CCDC106: variants seen among roughly 807,000 people sequenced by gnomAD.
The protein encoded by CCDC106 is coiled-coil domain containing 106.
CCDC106 carries 17 observed loss-of-function variants against 24.7 expected under a neutral mutation model. That is an observed-to-expected ratio of 0.69 (90% CI 0.47 to 1.03). CCDC106 has a LOEUF of 1.03. Ranked by LOEUF, CCDC106 falls within the 50% of genes least tolerant of loss-of-function variation. CCDC106 has a pLI of 0.00. For missense variants in CCDC106, 337 were observed against 388.9 expected, an observed-to-expected ratio of 0.87 and a Z score of 1.12; for synonymous variants, 211 against 161.3, an observed-to-expected ratio of 1.31 and a Z score of -2.34.
chr19:55,649,662 C>A, intron 3 of CCDC106, 78 bp downstream of exon 3: 5 of 1,403,548 alleles, frequency 3.6e-6, no homozygotes, highest in Admixed American at 2.0e-5. Context: ...CAAGGCTCCA[C>A]TGTTTGGCTG....
chr19:55,651,506 T>C lies in CCDC106; in HGVS notation c.526+11T>C. ...GGGAGAGGCAGCGAGGTGAGTGGGG[T>C]GCATGGGGCGGGCGCTGAGGGGCCC... is the stretch of plus-strand genomic sequence containing the variant. On this transcript the variant is annotated intron_variant, in intron 4 of 4. Transcript: ENST00000586790. 1 of 1,540,390 alleles carries C rather than the reference T, an allele frequency of 6.5e-7. No homozygotes were observed. Among genetic ancestry groups the C allele is most frequent in the African/African-American group, 1.4e-5 (1 of 73,748 alleles).
At chr19:55,650,905 C>T (rs1206380020) in intron 3 of CCDC106, among the ~76,000 whole-genome samples, 1 of 152,186 alleles carries the variant, frequency 6.6e-6, no homozygotes, top group East Asian at 1.9e-4. Context: ...CCCCCGACTC[C>T]AGCCAAGGCC....
chr19:55,651,568 C>A, intron 4 of CCDC106, 73 bp downstream of exon 4: 1 of 1,073,882 alleles, frequency 9.3e-7, no homozygotes, highest in Non-Finnish European at 1.3e-6. Flanking sequence ...CCCAGAGGTC[C>A]CCCTTTCTCT....
In CCDC106 at chr19:55,652,141, G is replaced by GGGGGGTGCT. The variant is rs1174693113; in HGVS notation, c.527-285_527-277dup. ...GACGAGGGTGATGGCTCGGGGTGTC[G>GGGGGGTGCT]GGGGGTGCTGGGACCGCGTGGGTTG... On this transcript the variant is annotated intron_variant, in intron 4 of 4. Coordinates refer to ENST00000586790, the MANE Select transcript of CCDC106 (RefSeq NM_001370470.1). The surrounding 1 kb of genome is among the most constrained non-coding windows in gnomAD (Gnocchi z 5.9). 6.6e-6 allele frequency among the ~76,000 whole-genome samples: 1 copy of GGGGGGTGCT among 151,916 alleles called. No individual in the cohort carries two copies. Among genetic ancestry groups the GGGGGGTGCT allele is most frequent in the African/African-American group, 2.4e-5 (1 of 41,320 alleles).
At chr19:55,651,557 TC>T in intron 4 of CCDC106, 62 bp downstream of exon 4, 1 of 1,144,068 alleles carries the variant, frequency 8.7e-7, no homozygotes, top group Non-Finnish European at 1.2e-6. Context: ...TGTGTGTCCT[TC>T]CCAGAGGTCC....
chr19:55,651,185 TG>T lies in CCDC106; in HGVS notation c.314-93del, dbSNP rs1983234749. 3 of 933,242 alleles carry T rather than the reference TG, an allele frequency of 3.2e-6. No individual in the cohort carries two copies. The Admixed American group carries it at 5.2e-5, about 16-fold the overall frequency. 57.8% of individuals were successfully genotyped at this position (933,242 alleles called of 1,614,324 possible). A position where few individuals can be genotyped will look rare whatever the true frequency, so the allele number is the denominator to read the frequency against. On this transcript the variant is annotated intron_variant, in intron 3 of 4. Coordinates refer to ENST00000586790, the MANE Select transcript of CCDC106 (RefSeq NM_001370470.1). The stretch of plus-strand genomic sequence containing the variant: ...GTCTCTTTAGGGGACCAGCCCAGGT[TG>T]GGGGATCCAGTTCGGGGACTGCAGC...
In CCDC106 at chr19:55,648,306, T is replaced by A. The variant is rs1982991749; in HGVS notation, c.-741T>A. 1 of 151,898 alleles carries A rather than the reference T, an allele frequency of 6.6e-6. No individual in the cohort carries two copies. Among genetic ancestry groups the A allele is most frequent in the African/African-American group, 2.4e-5 (1 of 41,324 alleles). 9.4% of individuals were successfully genotyped at this position (151,898 alleles called of 1,614,324 possible). On this transcript the variant is annotated 5_prime_UTR_variant, in exon 1 of 5. Coordinates refer to ENST00000586790, the MANE Select transcript of CCDC106 (RefSeq NM_001370470.1). ...GGTGAGCGCGGGGGGCCTCGGCCCC[T>A]CGGACCCCGGGCACCCGCGGGCGGG...
At chr19:55,651,043 G>A (rs953729936) in intron 3 of CCDC106, among the ~76,000 whole-genome samples, 5 of 152,146 alleles carry the variant, frequency 3.3e-5, no homozygotes, top group Non-Finnish European at 7.3e-5. Flanking sequence ...GGCTGCCTCC[G>A]TAAGACCTCT....
Position 55,653,007 on chromosome 19 carries a change from C to A in CCDC106, c.*261C>A, listed in dbSNP as rs1463490927. ...GGAAAACCAGGCAGGCGGGTGCCCCCCCCTCGAGTGGGGGACTGTACAGAC... is the reference window on the plus strand; with the variant it reads ...GGAAAACCAGGCAGGCGGGTGCCCCACCCTCGAGTGGGGGACTGTACAGAC... On this transcript the variant is annotated 3_prime_UTR_variant, in exon 5 of 5. Coordinates refer to ENST00000586790, the MANE Select transcript of CCDC106 (RefSeq NM_001370470.1). 2.0e-6 allele frequency: 1 copy of A among 494,148 alleles called. No homozygotes were observed. Among genetic ancestry groups the A allele is most frequent in the Non-Finnish European group, 3.6e-6 (1 of 276,288 alleles). The allele number at this position is 494,148 out of a possible 1,614,324, so 30.6% of individuals were successfully genotyped here.
In CCDC106 at chr19:55,649,080, G is replaced by A; in HGVS notation, c.31+3G>A. The A allele has an allele frequency of 6.2e-7, 1 of 1,614,006 alleles. No homozygotes were observed. Among genetic ancestry groups the A allele is most frequent in the Non-Finnish European group, 8.5e-7 (1 of 1,180,006 alleles). Reference sequence around the variant, plus strand: ...CCGGAGCAGTCGGAGGCGGACAAGTGAGGAAGCTGGGTCCCCTTCCCTACC... The same window carrying A: ...CCGGAGCAGTCGGAGGCGGACAAGTAAGGAAGCTGGGTCCCCTTCCCTACC... On this transcript the variant is annotated splice_donor_region_variant and intron_variant, in intron 1 of 4. Coordinates refer to ENST00000586790, the MANE Select transcript of CCDC106 (RefSeq NM_001370470.1).
chr19:55,652,727 C>G lies in CCDC106; in HGVS notation c.824C>G (p.Thr275Ser). The change falls in exon 5 of 5, where the codon ACC becomes AGC. Residue 275 changes from threonine (T) to serine (S), a missense_variant. By Grantham distance (58) the Thr-to-Ser change is moderately conservative (BLOSUM62 1). Transcript: ENST00000586790. This position sits in a 1 kb window ranked among gnomAD's most constrained non-coding sequence, Gnocchi z 5.9. ...LKKSKLLLPI[T>S]YRFKR Reference sequence around the variant, plus strand: ...AAGAGCAAGCTGCTGCTGCCCATCACCTACCGCTTCAAGCGGTGATCGCAC... The same window carrying G: ...AAGAGCAAGCTGCTGCTGCCCATCAGCTACCGCTTCAAGCGGTGATCGCAC... 6.2e-7 allele frequency: 1 copy of G among 1,612,120 alleles called. No homozygotes were observed. Among genetic ancestry groups the G allele is most frequent in the Non-Finnish European group, 8.5e-7 (1 of 1,179,536 alleles).
chr19:55,651,333 C>T lies in CCDC106; in HGVS notation c.364C>T (p.Arg122Cys), dbSNP rs373493546. ...GCCCAGGCGGATGGAGGGGGACAGC[C>T]GTGGTGGGGCTGGGGGCGAGGCCTC... ...PGPRRMEGDS[R>C]GGAGGEASDP... The change falls in exon 4 of 5, where the codon CGT (arginine) becomes TGT (cysteine). Residue 122 changes from arginine (R) to cysteine (C), a missense_variant. This residue lies in a region of CCDC106 where 234 missense variants were observed against 236.5 expected (regional missense o/e 0.99). Coordinates refer to ENST00000586790, the MANE Select transcript of CCDC106 (RefSeq NM_001370470.1). 2.4e-5 allele frequency: 39 copies of T among 1,613,352 alleles called. 1 individual carries two copies. Among genetic ancestry groups the T allele is most frequent in the African/African-American group, 2.0e-4 (15 of 74,922 alleles).
In CCDC106 at chr19:55,652,476, C is replaced by T. The variant is rs774471673; in HGVS notation, c.573C>T (p.Gly191=). ...GVLCRYKKIL[G]TFQKLKSMSR... ...TCTGCCGGTACAAGAAGATCCTGGG[C>T]ACCTTCCAGAAGCTCAAGAGCATGT... The change falls in exon 5 of 5, where the codon GGC becomes GGT. Residue 191 remains glycine, a synonymous_variant. Coordinates refer to ENST00000586790, the MANE Select transcript of CCDC106 (RefSeq NM_001370470.1). This position sits in a 1 kb window ranked among gnomAD's most constrained non-coding sequence, Gnocchi z 5.9. The T allele has an allele frequency of 1.4e-5, 23 of 1,611,530 alleles. 1 individual carries two copies. In the South Asian group the frequency reaches 2.2e-4, roughly 15 times the overall value.
chr19:55,650,571 TGTG>T (rs1247203552), intron 3 of CCDC106, among the ~76,000 whole-genome samples: 5 of 152,312 alleles, frequency 3.3e-5, no homozygotes, highest in Middle Eastern at 3.4e-3. Context: ...GCTATGGTCT[TGTG>T]GTGTCTCTGT....
At position 55,652,087 on chromosome 19, in the gene CCDC106, TGAA is replaced by T; in HGVS notation, c.527-342_527-340del. ...CCTACCTCACGGGGAGGGTGAGACT[TGAA>T]TAAGTGAATTCACCTGAGGCAGGGA... On this transcript the variant is annotated intron_variant, in intron 4 of 4. Coordinates refer to ENST00000586790, the MANE Select transcript of CCDC106 (RefSeq NM_001370470.1). The surrounding 1 kb of genome is among the most constrained non-coding windows in gnomAD (Gnocchi z 5.9). Among the ~76,000 whole-genome samples, 1 of 152,100 alleles carries T rather than the reference TGAA, an allele frequency of 6.6e-6. No individual in the cohort carries two copies. The highest frequency in any genetic ancestry group is 2.1e-4 in the South Asian group (1 of 4,804).
chr19:55,650,771 C>T (rs1983198844), intron 3 of CCDC106, among the ~76,000 whole-genome samples: 1 of 152,166 alleles, frequency 6.6e-6, no homozygotes, highest in Admixed American at 6.5e-5. Context: ...GGCACCAGAG[C>T]CCTCCCCTAA....
chr19:55,653,101 G>T lies in CCDC106; in HGVS notation c.*355G>T, dbSNP rs1366459273. The stretch of plus-strand genomic sequence containing the variant: ...CCCGGACAGACCTCCCCAACTCCGC[G>T]TGAGACAGAGAATTATTCAGATAAT... On this transcript the variant is annotated 3_prime_UTR_variant, in exon 5 of 5. Transcript: ENST00000586790. 8.9e-6 allele frequency: 2 copies of T among 225,544 alleles called. No homozygotes were observed. The highest frequency in any genetic ancestry group is 1.7e-5 in the Non-Finnish European group (2 of 115,390). 14.0% of individuals were successfully genotyped at this position (225,544 alleles called of 1,614,324 possible). A position where few individuals can be genotyped will look rare whatever the true frequency, so the allele number is the denominator to read the frequency against.
chr19:55,648,895 A>G lies in CCDC106; in HGVS notation c.-152A>G, dbSNP rs1453076628. ...GGGTCCAGGCTCCCTCCTCCCTCAGACCAGGGGTCCAGGCCAGAAGGTCCC... is the reference window on the plus strand; with the variant it reads ...GGGTCCAGGCTCCCTCCTCCCTCAGGCCAGGGGTCCAGGCCAGAAGGTCCC... On this transcript the variant is annotated 5_prime_UTR_variant, in exon 1 of 5. Coordinates refer to ENST00000586790, the MANE Select transcript of CCDC106 (RefSeq NM_001370470.1). 8.9e-6 allele frequency: 7 copies of G among 783,394 alleles called. No individual in the cohort carries two copies. The highest frequency in any genetic ancestry group is 1.5e-5 in the Non-Finnish European group (7 of 458,920). The allele number at this position is 783,394 out of a possible 1,614,324, so 48.5% of individuals were successfully genotyped here. A position where few individuals can be genotyped will look rare whatever the true frequency, so the allele number is the denominator to read the frequency against.
rs1983426400 is a variant in CCDC106 at position 55,652,886 on chromosome 19, G to A, written c.*140G>A. ...GGCTCCCTTAGCCGGGCCCCCAAGC[G>A]CGACGGCCCCGGACCGGCCGCGGCC... On this transcript the variant is annotated 3_prime_UTR_variant, in exon 5 of 5. Transcript: ENST00000586790. The surrounding 1 kb of genome is among the most constrained non-coding windows in gnomAD (Gnocchi z 5.9). 14 of 752,146 alleles carry A rather than the reference G, an allele frequency of 1.9e-5. No homozygotes were observed. The highest frequency in any genetic ancestry group is 2.7e-5 in the Non-Finnish European group (13 of 475,940). 46.6% of individuals were successfully genotyped at this position (752,146 alleles called of 1,614,324 possible).
Sources: gnomAD v4.1 joint callset for allele counts (sites outside exome capture counted in the v4.1 genomes callset) on GRCh38, gnomAD v4.1.1 for gene constraint, gnomAD v4.1.1 regional missense constraint, Gnocchi (gnomAD v3.1) non-coding constraint, MANE v1.5 for transcripts, NCBI Gene and HGNC (gene_info 2026-07-23, HGNC 2026-07-21) for gene names.